TRPC6: variants seen among roughly 807,000 people sequenced by gnomAD.
TRPC6 encodes short transient receptor potential channel 6.
TRPC6 carries 55 observed loss-of-function variants against 90.7 expected under a neutral mutation model. The ratio of observed to expected loss-of-function variants is 0.61; its 90% CI spans 0.49 to 0.76. TRPC6 has a LOEUF of 0.76. Ranked by LOEUF, TRPC6 falls within the 30% of genes least tolerant of loss-of-function variation. TRPC6 has a pLI of 0.00. For missense variants in TRPC6, 989 were observed against 1,122.7 expected, an observed-to-expected ratio of 0.88 and a Z score of 1.70; for synonymous variants, 393 against 393.0, an observed-to-expected ratio of 1.00 and a Z score of 0.00.
intron 1 of TRPC6, among the ~76,000 whole-genome samples, chr11:101,574,700 T>C (rs1028151342): frequency 6.9e-6 from 1 of 144,000 alleles, no homozygotes; most frequent in Non-Finnish European, 1.5e-5. Context: ...CTGCCACCCT[T>C]CAATCTACTC....
chr11:101,544,010 C>T (rs1458629449), intron 1 of TRPC6, among the ~76,000 whole-genome samples: 3 of 152,186 alleles, frequency 2.0e-5, no homozygotes, highest in Admixed American at 1.3e-4. Context: ...TATCCAGAAT[C>T]TAAAATGAAC....
chr11:101,534,040 G>C (rs1694242816), intron 1 of TRPC6, among the ~76,000 whole-genome samples: 1 of 152,096 alleles, frequency 6.6e-6, no homozygotes, highest in African/African-American at 2.4e-5. Flanking sequence ...CCAAAATCAG[G>C]CTCTGCCATC....
chr11:101,466,271 G>C (rs1467580026), intron 10 of TRPC6, among the ~76,000 whole-genome samples: 1 of 152,182 alleles, frequency 6.6e-6, no homozygotes, highest in African/African-American at 2.4e-5. Flanking sequence ...AGAGCCGCCA[G>C]GCAGGGATGT....
chr11:101,554,820 C>T (rs1279288514), intron 1 of TRPC6, among the ~76,000 whole-genome samples: 1 of 152,128 alleles, frequency 6.6e-6, no homozygotes, highest in Non-Finnish European at 1.5e-5. Context: ...GAATAACACC[C>T]TTAATCAATC....
In TRPC6 at chr11:101,504,498, G is replaced by T. The variant is rs1385398275; in HGVS notation, c.471C>A (p.Asn157Lys). ...EITELLLKKE[N>K]LSRVGDALLL... The stretch of plus-strand genomic sequence containing the variant: ...GCAAAGCATCCCCAACTCGAGAGAG[G>T]TTTTCTTTCTTGAGAAGAAGTTCTG... The change falls in exon 2 of 13, where the codon AAC (asparagine) becomes AAA (lysine). Residue 157 changes from asparagine (N) to lysine (K), a missense_variant. Around this residue, in one of 4 missense-constraint regions of TRPC6, gnomAD observed 486 missense variants for 591.9 expected, o/e 0.82. Coordinates refer to ENST00000344327, the MANE Select transcript of TRPC6 (RefSeq NM_004621.6). 1.9e-6 allele frequency: 3 copies of T among 1,614,034 alleles called. No individual in the cohort carries two copies. The highest frequency in any genetic ancestry group is 1.6e-4 in the Middle Eastern group (1 of 6,062).
intron 4 of TRPC6, among the ~76,000 whole-genome samples, chr11:101,484,963 C>T (rs1591077348): frequency 6.6e-6 from 1 of 151,834 alleles, no homozygotes; most frequent in Non-Finnish European, 1.5e-5. Context: ...TCTCAAACAT[C>T]TATCATTTCT....
chr11:101,490,134 AAT>A (rs994612230), intron 3 of TRPC6, among the ~76,000 whole-genome samples: 28 of 152,226 alleles, frequency 1.8e-4, no homozygotes, highest in African/African-American at 5.8e-4. Flanking sequence ...TATATCAACA[AAT>A]ATGTTTACTG....
chr11:101,537,833 C>T (rs890295417), intron 1 of TRPC6, among the ~76,000 whole-genome samples: 1 of 151,484 alleles, frequency 6.6e-6, no homozygotes, highest in Non-Finnish European at 1.5e-5. Context: ...TGCTTAGATG[C>T]CAAATTATTT....
rs10750605 is a variant in TRPC6 at position 101,507,427 on chromosome 11, G to C, written c.171-2629C>G. 2.6e-5 allele frequency among the ~76,000 whole-genome samples: 4 copies of C among 151,416 alleles called. No homozygotes were observed. In the East Asian group the frequency reaches 7.8e-4, roughly 29 times the overall value. On this transcript the variant is annotated intron_variant, in intron 1 of 12. Transcript: ENST00000344327. ...GAATCTTCCTTTGGTATCATTCCAA[G>C]GATTCTCTTCACTTTGCTTTTGTAT... is the stretch of plus-strand genomic sequence containing the variant.
chr11:101,573,884 C>A (rs957963626), intron 1 of TRPC6, among the ~76,000 whole-genome samples: 1 of 141,658 alleles, frequency 7.1e-6, no homozygotes. Flanking sequence ...ATCCTGGGAA[C>A]AGTAGTGAAG....
chr11:101,504,901 T>G (rs1860222281), intron 1 of TRPC6, 103 bp from the exon 2 acceptor site: 1 of 1,323,066 alleles, frequency 7.6e-7, no homozygotes, highest in African/African-American at 1.5e-5. Flanking sequence ...ATATTAGATG[T>G]TGTCTCATCA....
Position 101,491,833 on chromosome 11 carries a change from A to ATTTTTTTTTTTTT in TRPC6, c.946-96_946-95insAAAAAAAAAAAAA, listed in dbSNP as rs200869151. ...AAGGATTTTATACTTTAAGAGAAAC[A>ATTTTTTTTTTTTT]TTCTTTTTTTTTTTTTTTTTTTTTT... On this transcript the variant is annotated intron_variant, in intron 2 of 12. Transcript: ENST00000344327. The ATTTTTTTTTTTTT allele has an allele frequency of 5.0e-5, 39 of 782,348 alleles. 4 individuals are homozygous for ATTTTTTTTTTTTT. The African/African-American group carries it at 8.5e-4, about 17-fold the overall frequency. 48.5% of individuals were successfully genotyped at this position (782,348 alleles called of 1,614,324 possible). A position where few individuals can be genotyped will look rare whatever the true frequency, so the allele number is the denominator to read the frequency against.
In TRPC6 at chr11:101,526,861, C is replaced by CAAAAAAAAAAAAAAAAAAA. The variant is rs573864895; in HGVS notation, c.171-22082_171-22064dup. Among the ~76,000 whole-genome samples, 2 of 36,132 alleles carry CAAAAAAAAAAAAAAAAAAA rather than the reference C, an allele frequency of 5.5e-5. 1 individual carries two copies. Among genetic ancestry groups the CAAAAAAAAAAAAAAAAAAA allele is most frequent in the African/African-American group, 2.4e-4 (2 of 8,370 alleles). 23.7% of individuals were successfully genotyped at this position (36,132 alleles called of 152,430 possible). On this transcript the variant is annotated intron_variant, in intron 1 of 12. Coordinates refer to ENST00000344327, the MANE Select transcript of TRPC6 (RefSeq NM_004621.6). ...CCTGGGTGACAGAAGGAGACTGTCT[C>CAAAAAAAAAAAAAAAAAAA]AAAAAAAAAAAAAAAAAAAAAAAAA...
chr11:101,506,638 A>G (rs1410363054), intron 1 of TRPC6, among the ~76,000 whole-genome samples: 3 of 152,152 alleles, frequency 2.0e-5, no homozygotes, highest in Non-Finnish European at 2.9e-5. Context: ...AGTTTCGAAA[A>G]TGACATGAAG....
At chr11:101,576,811 T>A (rs1156573583) in intron 1 of TRPC6, among the ~76,000 whole-genome samples, 1 of 152,096 alleles carries the variant, frequency 6.6e-6, no homozygotes. Context: ...AGAAAAAAAA[T>A]TATGCAATGT....
intron 1 of TRPC6, among the ~76,000 whole-genome samples, chr11:101,528,145 A>C (rs1175752655): frequency 1.3e-5 from 2 of 152,218 alleles, no homozygotes; most frequent in African/African-American, 4.8e-5. Flanking sequence ...ATGTCTATCA[A>C]TATGAATAAA....
At chr11:101,487,803 A>C (rs1285496943) in intron 4 of TRPC6, among the ~76,000 whole-genome samples, 1 of 152,142 alleles carries the variant, frequency 6.6e-6, no homozygotes, top group African/African-American at 2.4e-5. Context: ...TTTTACTCTC[A>C]TAAGAAAATG....
chr11:101,468,235 C>T (rs1859196241), intron 10 of TRPC6, among the ~76,000 whole-genome samples: 1 of 152,036 alleles, frequency 6.6e-6, no homozygotes, highest in African/African-American at 2.4e-5. Context: ...GGAATTTCTT[C>T]CCAATCAAAA....
chr11:101,551,353 A>G (rs747334727), intron 1 of TRPC6, among the ~76,000 whole-genome samples: 1 of 152,044 alleles, frequency 6.6e-6, no homozygotes, highest in Non-Finnish European at 1.5e-5. Context: ...CTGGAGTGAC[A>G]ATCTTAGTAA....
Sources: gnomAD v4.1 joint callset for allele counts (sites outside exome capture counted in the v4.1 genomes callset) on GRCh38, gnomAD v4.1.1 for gene constraint, gnomAD v4.1.1 regional missense constraint, MANE v1.5 for transcripts, NCBI Gene and HGNC (gene_info 2026-07-23, HGNC 2026-07-21) for gene names.